ZNF831: variants seen among roughly 807,000 people sequenced by gnomAD.
The protein encoded by ZNF831 is zinc finger protein 831.
A neutral mutation model predicts 95.8 loss-of-function variants in ZNF831; 59 were observed. The ratio of observed to expected loss-of-function variants is 0.62; its 90% CI spans 0.50 to 0.77. The LOEUF is 0.77. Among genes scored for constraint, ZNF831 ranks in the 30% least tolerant of loss-of-function variants. The pLI is 0.00. For synonymous variants in ZNF831, 961 were observed against 925.5 expected, an observed-to-expected ratio of 1.04 and a Z score of -0.70; for missense variants, 2,205 against 2,164.0, an observed-to-expected ratio of 1.02 and a Z score of -0.38.
At chr20:59,136,934 T>C (rs565287706) in intron 1 of ZNF831, among the ~76,000 whole-genome samples, 1 of 152,352 alleles carries the variant, frequency 6.6e-6, no homozygotes, top group East Asian at 1.9e-4. Flanking sequence ...GCAGTTTTCA[T>C]GTCCCAACCT....
chr20:59,130,385 C>T (rs1443978867), intron 1 of ZNF831, among the ~76,000 whole-genome samples: 1 of 152,144 alleles, frequency 6.6e-6, no homozygotes, highest in Non-Finnish European at 1.5e-5. Context: ...GAAAGGGCCC[C>T]TAAGTTTCCA....
intron 1 of ZNF831, among the ~76,000 whole-genome samples, chr20:59,124,790 A>G (rs1423966656): frequency 6.6e-6 from 1 of 152,202 alleles, no homozygotes; most frequent in Non-Finnish European, 1.5e-5. Context: ...CTCTTATCGC[A>G]GTGGGCTTGG....
rs753471347 is a variant in ZNF831, at chr20:59,194,754, C to A, written c.3735C>A (p.Ser1245=). 1.7e-5 allele frequency: 26 copies of A among 1,551,500 alleles called. No individual in the cohort carries two copies. Among genetic ancestry groups the A allele is most frequent in the Non-Finnish European group, 2.2e-5 (25 of 1,150,800 alleles). The change falls in exon 2 of 6, where the codon TCC becomes TCA. Residue 1245 remains serine (S), a synonymous_variant. Coordinates refer to ENST00000371030, the MANE Select transcript of ZNF831 (RefSeq NM_178457.3). ...SPGEGGPAQM[S]KFSYPTVPGV... ...GAGAAGGAGGGCCGGCGCAGATGTC[C>A]AAGGTAAAGCTGGGCTTTGCCCCAG... is the stretch of plus-strand genomic sequence containing the variant.
rs142933038 is a variant in ZNF831 at position 59,141,356 on chromosome 20, A to G, written c.-1424-4875A>G. 3.6e-3 allele frequency among the ~76,000 whole-genome samples: 547 copies of G among 152,274 alleles called. 2 individuals carry two copies. The highest frequency in any genetic ancestry group is 0.013 in the African/African-American group (526 of 41,542). The stretch of plus-strand genomic sequence containing the variant: ...GTTTTATAGTTTTACATGTAAATCT[A>G]TGATCCATTTTGAATTACTTTTTGT... On this transcript the variant is annotated intron_variant, in intron 1 of 7. Coordinates refer to the ZNF831 transcript ENST00000637017.
intron 2 of ZNF831, among the ~76,000 whole-genome samples, chr20:59,155,645 G>C (rs756000197): frequency 2.4e-4 from 36 of 152,218 alleles, no homozygotes; most frequent in Non-Finnish European, 4.0e-4. Context: ...AGGAGTGCTG[G>C]GGCCAGGCCG....
At chr20:59,165,916 A>AT (rs1981222055) in intron 1 of ZNF831, among the ~76,000 whole-genome samples, 3 of 151,942 alleles carry the variant, frequency 2.0e-5, no homozygotes, top group Non-Finnish European at 2.9e-5. Flanking sequence ...CAACTGGCTA[A>AT]TTTTTTTGTA....
chr20:59,130,360 G>A (rs1368936894), intron 1 of ZNF831, among the ~76,000 whole-genome samples: 3 of 152,166 alleles, frequency 2.0e-5, no homozygotes, highest in Non-Finnish European at 4.4e-5. Flanking sequence ...GAAGGTGTGA[G>A]GGTTTGCAAA....
chr20:59,191,708 G>A lies in ZNF831; in HGVS notation c.689G>A (p.Gly230Asp). 6.4e-7 allele frequency: 1 copy of A among 1,572,412 alleles called. No homozygotes were observed. Among genetic ancestry groups the A allele is most frequent in the Non-Finnish European group, 8.6e-7 (1 of 1,158,464 alleles). The change falls in exon 2 of 6, where the codon GGC (glycine) becomes GAC (aspartate). Residue 230 changes from glycine to aspartate, a missense_variant. Gly to Asp is a moderately conservative substitution (Grantham distance 94, BLOSUM62 -1). Coordinates refer to ENST00000371030, the MANE Select transcript of ZNF831 (RefSeq NM_178457.3). ...GAGCCCCCCAGACCAGAGGGCAGGG[G>A]CGAGAGCAGGTGCCAGGGGATGCAC... ...AGEPPRPEGR[G>D]ESRCQGMHEG...
intron 4 of ZNF831, among the ~76,000 whole-genome samples, chr20:59,238,985 A>G (rs1987161219): frequency 1.3e-5 from 2 of 152,242 alleles, no homozygotes; most frequent in Non-Finnish European, 2.9e-5. Flanking sequence ...TATTGGAGGT[A>G]AAATGGATGA....
chr20:59,210,514 C>A (rs1446610155), intron 4 of ZNF831, among the ~76,000 whole-genome samples: 1 of 152,230 alleles, frequency 6.6e-6, no homozygotes, highest in Admixed American at 6.5e-5. Flanking sequence ...CTCTCCCCCT[C>A]CACAGGGGAC....
intron 1 of ZNF831, among the ~76,000 whole-genome samples, chr20:59,183,686 C>T (rs955683490): frequency 3.3e-5 from 5 of 152,218 alleles, no homozygotes; most frequent in African/African-American, 4.8e-5. Context: ...TATCTTTTCA[C>T]ATCTCTTTTA....
In ZNF831 at chr20:59,253,033, T is replaced by G. The variant is rs1357438403; in HGVS notation, c.4083T>G (p.Cys1361Trp). 6.2e-7 allele frequency: 1 copy of G among 1,613,892 alleles called. No individual in the cohort carries two copies. Among genetic ancestry groups the G allele is most frequent in the Non-Finnish European group, 8.5e-7 (1 of 1,179,952 alleles). ...SCATSESPPC[C>W]GKEEKKEGDC... ...CCACCTCAGAATCACCTCCTTGTTG[T>G]GGGAAGGAAGAGAAGAAGGAAGGTG... is the stretch of plus-strand genomic sequence containing the variant. Residue 1361 changes from cysteine to tryptophan, a missense_variant, in exon 5 of 6, where the codon TGT becomes TGG. By Grantham distance (215) the Cys-to-Trp change is radical. Transcript: ENST00000371030.
intron 1 of ZNF831, among the ~76,000 whole-genome samples, chr20:59,188,311 A>G (rs1983224846): frequency 6.6e-6 from 1 of 152,142 alleles, no homozygotes; most frequent in Non-Finnish European, 1.5e-5. Flanking sequence ...AACACTTGTT[A>G]TTTTATTGCT....
Position 59,241,312 on chromosome 20 carries a change from A to AT in ZNF831, c.4028-11657dup, listed in dbSNP as rs1210015221. Among the ~76,000 whole-genome samples, 358 of 146,852 alleles carry AT rather than the reference A, an allele frequency of 2.4e-3. 2 individuals are homozygous for AT. The highest frequency in any genetic ancestry group is 8.5e-3 in the African/African-American group (338 of 39,740). On this transcript the variant is annotated intron_variant, in intron 4 of 5. Transcript: ENST00000371030. Reference sequence around the variant, plus strand: ...AAAGAACTCATAACCGGCCCCCTCTATTTTTTTTTAATCAGAACCCACAGA... The same window carrying AT: ...AAAGAACTCATAACCGGCCCCCTCTATTTTTTTTTTAATCAGAACCCACAGA...
chr20:59,205,626 G>A (rs1371031902), intron 3 of ZNF831, among the ~76,000 whole-genome samples: 2 of 152,196 alleles, frequency 1.3e-5, no homozygotes, highest in Admixed American at 6.5e-5. Context: ...AGGGGACTGC[G>A]GCTGGATCTT....
rs961870209 is a variant in ZNF831, at chr20:59,192,550, G to A, written c.1531G>A (p.Glu511Lys). 1.3e-6 allele frequency: 2 copies of A among 1,525,272 alleles called. No homozygotes were observed. The highest frequency in any genetic ancestry group is 2.2e-5 in the Admixed American group (1 of 46,150). The allele number at this position is 1,525,272 out of a possible 1,614,324, so 94.5% of individuals were successfully genotyped here. A position where few individuals can be genotyped will look rare whatever the true frequency, so the allele number is the denominator to read the frequency against. Residue 511 changes from glutamate to lysine, a missense_variant, in exon 2 of 6, where the codon GAG (glutamate) becomes AAG (lysine). Coordinates refer to ENST00000371030, the MANE Select transcript of ZNF831 (RefSeq NM_178457.3). This position sits in a 1 kb window ranked among gnomAD's most constrained non-coding sequence, Gnocchi z 5.2. ...VTRSNSLPFV[E>K]GSRTWLEPRE... Reference sequence around the variant, plus strand: ...CAGGAGCAACTCGCTGCCCTTCGTCGAGGGCTCCAGGACGTGGCTGGAGCC... The same window carrying A: ...CAGGAGCAACTCGCTGCCCTTCGTCAAGGGCTCCAGGACGTGGCTGGAGCC...
rs76763182 is a variant in ZNF831 at position 59,206,958 on chromosome 20, G to A, written c.3929G>A (p.Arg1310His). The A allele has an allele frequency of 1.2e-3, 1,945 of 1,614,170 alleles. 20 individuals are homozygous for A. The African/African-American group carries it at 0.023, about 19-fold the overall frequency. ...SCVQLRASRLRTPTWVRRRSR... is the reference protein window; with the variant it reads ...SCVQLRASRLHTPTWVRRRSR... ...GTTCAGCTGAGAGCCAGTAGACTTC[G>A]CACACCAACCTGGGTGCGAAGAAGA... Residue 1310 changes from arginine to histidine, a missense_variant, in exon 4 of 6, where the codon CGC becomes CAC. Transcript: ENST00000371030.
chr20:59,239,818 T>C (rs1987220421), intron 4 of ZNF831, among the ~76,000 whole-genome samples: 1 of 152,240 alleles, frequency 6.6e-6, no homozygotes, highest in Non-Finnish European at 1.5e-5. Flanking sequence ...GTGCTGGGAT[T>C]ACAGGCGTGA....
chr20:59,147,884 G>C (rs576438745), intron 2 of ZNF831, among the ~76,000 whole-genome samples: 2 of 152,236 alleles, frequency 1.3e-5, no homozygotes, highest in Middle Eastern at 3.2e-3. Flanking sequence ...ATGATTGTAC[G>C]CATGAAGCCT....
Sources: gnomAD v4.1 joint callset for allele counts (sites outside exome capture counted in the v4.1 genomes callset) on GRCh38, gnomAD v4.1.1 for gene constraint, Gnocchi (gnomAD v3.1) non-coding constraint, MANE v1.5 for transcripts, NCBI Gene and HGNC (gene_info 2026-07-23, HGNC 2026-07-21) for gene names.